LHPP: variants seen among roughly 807,000 people sequenced by gnomAD.
The protein encoded by LHPP is hLHPP.
A neutral mutation model predicts 30.3 loss-of-function variants in LHPP; 24 were observed. The observed-to-expected ratio is 0.79, with a 90% confidence interval of 0.57 to 1.11. LHPP has a LOEUF of 1.11. LHPP is among the 50% of genes most tolerant of loss of function. LHPP has a pLI of 0.00. For missense variants in LHPP, 356 were observed against 367.2 expected (o/e 0.97, Z 0.25); for synonymous variants, 150 against 157.1 (o/e 0.95, Z 0.34).
intron 4 of LHPP, among the ~76,000 whole-genome samples, chr10:124,497,418 C>T (rs1472792600): frequency 6.6e-6 from 1 of 152,198 alleles, no homozygotes; most frequent in Non-Finnish European, 1.5e-5. Flanking sequence ...ATTCCTGACC[C>T]TGGGCATCTG....
At chr10:124,472,170 G>T (rs549067844) in intron 1 of LHPP, among the ~76,000 whole-genome samples, 6 of 151,124 alleles carry the variant, frequency 4.0e-5, no homozygotes, top group African/African-American at 1.2e-4. Context: ...AAAATCAGCT[G>T]GGTGTGGTGT....
intron 6 of LHPP, among the ~76,000 whole-genome samples, chr10:124,536,216 C>T (rs1485147306): frequency 1.3e-5 from 2 of 152,226 alleles, no homozygotes; most frequent in African/African-American, 2.4e-5. Flanking sequence ...GGCTTGCTCC[C>T]GAGTATTTTG....
rs1416021741 is a variant in LHPP, at chr10:124,593,432, GC to G, written c.717-19829del. Among the ~76,000 whole-genome samples the G allele has an allele frequency of 6.6e-6, 1 of 152,204 alleles. No homozygotes were observed. The highest frequency in any genetic ancestry group is 2.4e-5 in the African/African-American group (1 of 41,448). On this transcript the variant is annotated intron_variant, in intron 6 of 6. Coordinates refer to ENST00000368842, the MANE Select transcript of LHPP (RefSeq NM_022126.4). This position sits in a 1 kb window ranked among gnomAD's most constrained non-coding sequence, Gnocchi z 4.9. ...AGATGGGAGAGGTTGCATCCTAAAG[GC>G]CCTCCATCTCTCAGGTTGGGGGATC...
intron 6 of LHPP, among the ~76,000 whole-genome samples, chr10:124,533,966 G>T (rs1954958057): frequency 6.6e-6 from 1 of 151,992 alleles, no homozygotes; most frequent in Non-Finnish European, 1.5e-5. Flanking sequence ...CATTGGGTTG[G>T]CAGGGACCAC....
At chr10:124,498,014 A>G (rs534445396) in intron 4 of LHPP, 22 bp from the exon 5 acceptor site, 9 of 1,593,740 alleles carry the variant, frequency 5.6e-6, no homozygotes, top group African/African-American at 4.0e-5. Flanking sequence ...AACTTATGCC[A>G]TGTCCCTCTC....
intron 6 of LHPP, chr10:124,554,215 T>G (rs1193898907): frequency 3.2e-6 from 1 of 310,166 alleles, no homozygotes; most frequent in African/African-American, 2.3e-5. Context: ...TGACAGGGTC[T>G]TGCTCTGTCA....
intron 6 of LHPP, among the ~76,000 whole-genome samples, chr10:124,604,920 C>T (rs1302754066): frequency 1.3e-5 from 2 of 152,216 alleles, no homozygotes; most frequent in East Asian, 1.9e-4. Flanking sequence ...AGAGAGGAGG[C>T]GGGTGGGCCA....
At position 124,566,263 on chromosome 10, in the gene LHPP, C is replaced by T. The variant is rs1948489328; in HGVS notation, c.717-47001C>T. ...TTCCTGATTGCAGGAGTCTGGTTGG[C>T]ATCATGGGACCCCTGGGAGACTCAC... is the stretch of plus-strand genomic sequence containing the variant. On this transcript the variant is annotated intron_variant, in intron 6 of 6. Transcript: ENST00000368842. Among the ~76,000 whole-genome samples the T allele has an allele frequency of 2.0e-5, 3 of 152,360 alleles. No individual in the cohort carries two copies. In the South Asian group the frequency reaches 6.2e-4, roughly 32 times the overall value.
At chr10:124,602,760 C>T (rs1473928914) in intron 6 of LHPP, among the ~76,000 whole-genome samples, 1 of 152,158 alleles carries the variant, frequency 6.6e-6, no homozygotes, top group Non-Finnish European at 1.5e-5. Flanking sequence ...TCAGTTAGCC[C>T]AGCCCTGCCC....
intron 6 of LHPP, among the ~76,000 whole-genome samples, chr10:124,556,692 G>A (rs1232369116): frequency 6.6e-6 from 1 of 152,170 alleles, no homozygotes; most frequent in East Asian, 1.9e-4. Flanking sequence ...TAACACCGAG[G>A]ACTAGCAGTG....
chr10:124,509,376 C>A (rs768204783), intron 5 of LHPP, among the ~76,000 whole-genome samples: 1 of 152,164 alleles, frequency 6.6e-6, no homozygotes, highest in South Asian at 2.1e-4. Context: ...CCCTGATGAA[C>A]ACATCTTGTA....
In LHPP at chr10:124,487,044, C is replaced by G. The variant is rs191032922; in HGVS notation, c.314-1378C>G. Among the ~76,000 whole-genome samples, 196 of 152,354 alleles carry G rather than the reference C, an allele frequency of 1.3e-3. 1 individual carries two copies. The highest frequency in any genetic ancestry group is 4.6e-3 in the African/African-American group (191 of 41,590). On this transcript the variant is annotated intron_variant, in intron 2 of 6. Transcript: ENST00000368842. The stretch of plus-strand genomic sequence containing the variant: ...CCAACGTAATGTTTTTGAGACTCAT[C>G]CATATTATTGCATGTATCAGCAGTG...
intron 6 of LHPP, among the ~76,000 whole-genome samples, chr10:124,530,057 C>CT (rs1160025228): frequency 6.6e-6 from 1 of 152,118 alleles, no homozygotes; most frequent in Non-Finnish European, 1.5e-5. Flanking sequence ...CCAAGCCCGT[C>CT]TGCCCTGCAT....
chr10:124,512,347 T>C (rs1954323467), intron 5 of LHPP, among the ~76,000 whole-genome samples: 1 of 152,158 alleles, frequency 6.6e-6, no homozygotes, highest in African/African-American at 2.4e-5. Flanking sequence ...CCGGGCGCGG[T>C]GGCTCACACC....
Position 124,567,196 on chromosome 10 carries a change from C to T in LHPP, c.717-46068C>T, listed in dbSNP as rs544235027. ...ATCCAGACCTCTGCTGTGATTGTGTCAGGACCTGTCCCTGCAGTGGACTGG... is the reference window on the plus strand; with the variant it reads ...ATCCAGACCTCTGCTGTGATTGTGTTAGGACCTGTCCCTGCAGTGGACTGG... On this transcript the variant is annotated intron_variant, in intron 6 of 6. Transcript: ENST00000368842. Among the ~76,000 whole-genome samples, 59 of 152,376 alleles carry T rather than the reference C, an allele frequency of 3.9e-4. No individual in the cohort carries two copies. In the South Asian group the frequency reaches 0.012, roughly 30 times the overall value.
At position 124,484,206 on chromosome 10, in the gene LHPP, G is replaced by C; in HGVS notation, c.193G>C (p.Val65Leu). ...NESQKSRAEL[V>L]GQLQRLGFDI... is the part of the protein sequence containing the mutation. ...GTCGCAGAAGTCCCGGGCAGAGCTG[G>C]TGGGGCAGCTTCAGAGGCTGGGATT... is the stretch of plus-strand genomic sequence containing the variant. Residue 65 changes from valine (V) to leucine (L), a missense_variant, in exon 2 of 7, where the codon GTG becomes CTG. By Grantham distance (32) the Val-to-Leu change is conservative (BLOSUM62 1). Transcript: ENST00000368842. 1 of 1,614,126 alleles carries C rather than the reference G, an allele frequency of 6.2e-7. No individual in the cohort carries two copies. The highest frequency in any genetic ancestry group is 8.5e-7 in the Non-Finnish European group (1 of 1,180,034).
intron 6 of LHPP, among the ~76,000 whole-genome samples, chr10:124,534,998 C>T (rs942310863): frequency 1.4e-4 from 22 of 152,182 alleles, no homozygotes; most frequent in Admixed American, 3.9e-4. Flanking sequence ...TGTTACAGCA[C>T]GCAGGCACCC....
At chr10:124,533,355 C>T (rs1448513426) in intron 6 of LHPP, among the ~76,000 whole-genome samples, 3 of 152,148 alleles carry the variant, frequency 2.0e-5, no homozygotes, top group Non-Finnish European at 2.9e-5. Flanking sequence ...GAGTTGGGGG[C>T]GGCAGGGGCG....
chr10:124,487,603 G>A (rs980958568), intron 2 of LHPP, among the ~76,000 whole-genome samples: 1 of 151,848 alleles, frequency 6.6e-6, no homozygotes, highest in Non-Finnish European at 1.5e-5. Context: ...CCACCGTGCC[G>A]GGCTGATTGT....
Sources: allele counts gnomAD v4.1 joint callset (sites outside exome capture counted in the v4.1 genomes callset), GRCh38; gene constraint gnomAD v4.1.1; non-coding constraint Gnocchi (gnomAD v3.1); transcripts MANE v1.5; gene names NCBI Gene and HGNC (gene_info 2026-07-23, HGNC 2026-07-21).